Variants in HMCN1 observed in about 807,000 individuals in gnomAD.
HMCN1 encodes the protein hemicentin 1.
Under a neutral mutation model 625.9 loss-of-function variants are expected in HMCN1, and 321 were observed. The observed-to-expected ratio is 0.51, with a 90% CI of 0.47 to 0.56. The LOEUF (loss-of-function observed/expected upper bound fraction) is 0.56. Ranked by LOEUF, HMCN1 falls within the 20% of genes least tolerant of loss-of-function variation. The pLI is 0.00. For missense variants in HMCN1, 6,588 were observed against 6,887.3 expected (o/e 0.96, Z 1.54); for synonymous variants, 2,425 against 2,417.6 (o/e 1.00, Z -0.09).
At chr1:186,161,979 G>T (rs1367120360) in intron 97 of HMCN1, among the ~76,000 whole-genome samples, 1 of 152,120 alleles carries the variant, frequency 6.6e-6, no homozygotes, top group Non-Finnish European at 1.5e-5. Context: ...TTGCTAGATT[G>T]GGGAAGTTCT....
At chr1:185,977,736 A>G (rs1651319347) in intron 15 of HMCN1, 51 bp from the exon 16 acceptor site, 2 of 1,067,586 alleles carry the variant, frequency 1.9e-6, no homozygotes, top group African/African-American at 1.6e-5. Flanking sequence ...TATGTTTAAT[A>G]TGCCTGTATA....
intron 68 of HMCN1, among the ~76,000 whole-genome samples, chr1:186,101,863 A>G (rs1333373404): frequency 2.6e-5 from 4 of 152,142 alleles, no homozygotes; most frequent in African/African-American, 9.7e-5. Context: ...AGTAGTACAA[A>G]CAACTTGATA....
Position 186,117,096 on chromosome 1 carries a change from T to C in HMCN1, c.11664T>C (p.Thr3888=), listed in dbSNP as rs996571894. Residue 3888 remains threonine (T), a synonymous_variant, in exon 76 of 107, where the codon ACT becomes ACC. Transcript: ENST00000271588. ...VTNGAGDDKR[T]VDLTVQVPPS... is the part of the protein sequence containing the mutation. ...ACGGTGCTGGAGATGATAAAAGAAC[T>C]GTGGATCTCACTGTCCAAGGTAGAA... 5.0e-6 allele frequency: 8 copies of C among 1,613,522 alleles called. No individual in the cohort carries two copies. Among genetic ancestry groups the C allele is most frequent in the Non-Finnish European group, 6.8e-6 (8 of 1,179,550 alleles).
intron 103 of HMCN1, 43 bp downstream of exon 103, chr1:186,174,685 A>T (rs370387498): frequency 6.8e-6 from 11 of 1,607,524 alleles, no homozygotes; most frequent in Middle Eastern, 1.7e-4. Context: ...CTACTGATGT[A>T]GTTACCTAGC....
chr1:185,858,077 A>G (rs569900302), intron 2 of HMCN1, among the ~76,000 whole-genome samples: 2 of 152,302 alleles, frequency 1.3e-5, no homozygotes, highest in African/African-American at 4.8e-5. Flanking sequence ...TTCACTTACT[A>G]GTTGTGTGAC....
chr1:185,897,748 A>G (rs1571525085), intron 4 of HMCN1, among the ~76,000 whole-genome samples: 1 of 152,102 alleles, frequency 6.6e-6, no homozygotes, highest in South Asian at 2.1e-4. Flanking sequence ...TAGACCATAA[A>G]CCCCTAAAAT....
chr1:185,795,569 A>G (rs548509553), intron 1 of HMCN1, among the ~76,000 whole-genome samples: 1 of 152,268 alleles, frequency 6.6e-6, no homozygotes, highest in African/African-American at 2.4e-5. Flanking sequence ...GAATGTCCTG[A>G]GTGTGGGGAT....
intron 60 of HMCN1, 139 bp downstream of exon 60, chr1:186,087,784 T>G (rs1659597598): frequency 8.6e-7 from 1 of 1,169,044 alleles, no homozygotes; most frequent in East Asian, 2.4e-5. Flanking sequence ...CCATTGACTA[T>G]TTTTATAAAA....
intron 52 of HMCN1, among the ~76,000 whole-genome samples, chr1:186,073,535 T>C (rs1038111803): frequency 1.3e-5 from 2 of 152,082 alleles, no homozygotes; most frequent in African/African-American, 4.8e-5. Flanking sequence ...ATGATGTAGG[T>C]GAGAGAAACA....
chr1:185,910,172 T>C (rs1281108280), intron 5 of HMCN1, among the ~76,000 whole-genome samples: 2 of 152,112 alleles, frequency 1.3e-5, no homozygotes, highest in Admixed American at 6.6e-5. Flanking sequence ...ATAGTTATAT[T>C]TCCACTGTGG....
intron 1 of HMCN1, among the ~76,000 whole-genome samples, chr1:185,795,466 C>T (rs753175888): frequency 6.6e-6 from 1 of 152,132 alleles, no homozygotes; most frequent in African/African-American, 2.4e-5. Context: ...CTTCTAGTAA[C>T]ACATAAAATT....
In HMCN1 at chr1:185,994,943, C is replaced by G; in HGVS notation, c.3634C>G (p.Leu1212Val). The change falls in exon 24 of 107, where the codon CTG (leucine) becomes GTG (valine). Residue 1212 changes from leucine to valine, a missense_variant. Physicochemically the swap from Leu to Val is conservative, Grantham distance 32 (BLOSUM62 1). Transcript: ENST00000271588. ...ITWSKGGSTM[L>V]VDGEHHVSNP... is the part of the protein sequence containing the mutation. ...CTGGTCCAAAGGTGGAAGCACTATGCTGGTTGATGGAGAGCACCATGTTAG... is the reference window on the plus strand; with the variant it reads ...CTGGTCCAAAGGTGGAAGCACTATGGTGGTTGATGGAGAGCACCATGTTAG... The G allele has an allele frequency of 6.2e-7, 1 of 1,613,900 alleles. No homozygotes were observed. The highest frequency in any genetic ancestry group is 8.5e-7 in the Non-Finnish European group (1 of 1,179,838).
chr1:185,795,313 C>A (rs1383936338), intron 1 of HMCN1, among the ~76,000 whole-genome samples: 1 of 152,148 alleles, frequency 6.6e-6, no homozygotes, highest in Non-Finnish European at 1.5e-5. Context: ...ACATTTTTAT[C>A]TTGTTACTTC....
chr1:186,190,058 T>G lies in HMCN1; in HGVS notation c.*180T>G, dbSNP rs562457696. ...TATTTTCATGATCCCACCATGGTCA[T>G]ATCTTGAAGTATGGTCTAGAAAAGT... On this transcript the variant is annotated 3_prime_UTR_variant, in exon 107 of 107. Coordinates refer to ENST00000271588, the MANE Select transcript of HMCN1 (RefSeq NM_031935.3). 1 of 688,184 alleles carries G rather than the reference T, an allele frequency of 1.5e-6. No homozygotes were observed. Among genetic ancestry groups the G allele is most frequent in the South Asian group, 1.7e-5 (1 of 58,574 alleles). The allele number at this position is 688,184 out of a possible 1,614,324, so 42.6% of individuals were successfully genotyped here.
intron 104 of HMCN1, among the ~76,000 whole-genome samples, chr1:186,181,890 A>G (rs1652957064): frequency 6.6e-6 from 1 of 152,168 alleles, no homozygotes; most frequent in Admixed American, 6.6e-5. Context: ...CTTAAGTAAT[A>G]TAAAAATTGA....
intron 24 of HMCN1, among the ~76,000 whole-genome samples, chr1:185,996,956 T>A (rs1162794078): frequency 6.6e-6 from 1 of 152,094 alleles, no homozygotes; most frequent in East Asian, 1.9e-4. Context: ...TTCTGGGAAC[T>A]GTGCAGAATA....
At chr1:186,151,375 T>C (rs1382844599) in intron 94 of HMCN1, 26 bp downstream of exon 94, 3 of 1,598,640 alleles carry the variant, frequency 1.9e-6, no homozygotes, top group African/African-American at 2.7e-5. Context: ...AAGCCTCTTT[T>C]TAAAAACTTA....
At chr1:185,959,581 C>T (rs1649865303) in intron 11 of HMCN1, among the ~76,000 whole-genome samples, 1 of 151,790 alleles carries the variant, frequency 6.6e-6, no homozygotes, top group Non-Finnish European at 1.5e-5. Context: ...TGCTGTGTTC[C>T]CATTGCTTTG....
chr1:186,046,005 G>T (rs1656545524), intron 41 of HMCN1, 142 bp downstream of exon 41: 3 of 628,908 alleles, frequency 4.8e-6, no homozygotes, highest in African/African-American at 3.7e-5. Context: ...TATTGATGAG[G>T]TTTGTAATAT....
Sources: allele counts gnomAD v4.1 joint callset (sites outside exome capture counted in the v4.1 genomes callset), GRCh38; gene constraint gnomAD v4.1.1; transcripts MANE v1.5; gene names NCBI Gene and HGNC (gene_info 2026-07-23, HGNC 2026-07-21).